Variants in TM4SF20 observed in about 807,000 individuals in gnomAD.
TM4SF20 encodes the protein transmembrane 4 L6 family member 20.
In TM4SF20, 13 loss-of-function variants were observed where a neutral mutation model predicts 15.1. The observed-to-expected ratio is 0.86, with a 90% CI of 0.56 to 1.36. The LOEUF (loss-of-function observed/expected upper bound fraction) is 1.36. Among genes scored for constraint, TM4SF20 ranks in the 40% most tolerant of loss-of-function variants. TM4SF20 has a pLI of 0.00. For missense variants in TM4SF20, 282 were observed against 268.4 expected (o/e 1.05, Z -0.35); for synonymous variants, 92 against 96.6 (o/e 0.95, Z 0.28).
intron 1 of TM4SF20, among the ~76,000 whole-genome samples, chr2:227,375,604 C>T (rs1438085242): frequency 6.6e-6 from 1 of 152,102 alleles, no homozygotes; most frequent in Non-Finnish European, 1.5e-5. Flanking sequence ...ATTCCCTTGC[C>T]GCAGCCTCCT....
chr2:227,379,118 A>G lies in TM4SF20; in HGVS notation c.151T>C (p.Trp51Arg). 6.2e-7 allele frequency: 1 copy of G among 1,614,208 alleles called. No homozygotes were observed. Among genetic ancestry groups the G allele is most frequent in the South Asian group, 1.1e-5 (1 of 91,086 alleles). ...SQNPISCFEW[W>R]FPGIIGAGLM... The stretch of plus-strand genomic sequence containing the variant: ...CCTGCTCCTATAATTCCTGGGAACC[A>G]CCACTCAAAGCAAGAGATGGGGTTT... Residue 51 changes from tryptophan (W) to arginine (R), a missense_variant, in exon 1 of 4, where the codon TGG (tryptophan) becomes CGG (arginine). Transcript: ENST00000304568.
rs1267319621 is a variant in TM4SF20, at chr2:227,378,200, T to C, written c.183+886A>G. ...GGATGCTGAATTATCAACTTCAACA[T>C]CCACATCCCCATTTTACACATATGG... On this transcript the variant is annotated intron_variant, in intron 1 of 3. Coordinates refer to ENST00000304568, the MANE Select transcript of TM4SF20 (RefSeq NM_024795.4). Among the ~76,000 whole-genome samples, 3 of 152,082 alleles carry C rather than the reference T, an allele frequency of 2.0e-5. No homozygotes were observed. In the East Asian group the frequency reaches 5.8e-4, roughly 29 times the overall value.
rs769987924 is a variant in TM4SF20 at position 227,363,753 on chromosome 2, C to T, written c.661G>A (p.Val221Ile). ...VIGFLGCLCG[V>I]SKRRSQIV ...ACAATTTGACTTCTTCGCTTAGAGA[C>T]TCCACACAGACAGCCAAGGAAACCG... The change falls in exon 4 of 4, where the codon GTC becomes ATC. Residue 221 changes from valine to isoleucine, a missense_variant. Coordinates refer to ENST00000304568, the MANE Select transcript of TM4SF20 (RefSeq NM_024795.4). 60 of 1,613,956 alleles carry T rather than the reference C, an allele frequency of 3.7e-5. No individual in the cohort carries two copies. The highest frequency in any genetic ancestry group is 4.9e-5 in the Non-Finnish European group (58 of 1,180,006).
chr2:227,379,145 GA>G lies in TM4SF20; in HGVS notation c.123del (p.Gln42LysfsTer15). The G allele has an allele frequency of 6.2e-7, 1 of 1,614,162 alleles. No individual in the cohort carries two copies. Among genetic ancestry groups the G allele is most frequent in the Non-Finnish European group, 8.5e-7 (1 of 1,180,022 alleles). On this transcript the variant is annotated frameshift_variant, in exon 1 of 4. Coordinates refer to ENST00000304568, the MANE Select transcript of TM4SF20 (RefSeq NM_024795.4). LOFTEE classifies it high-confidence loss of function. ...CACTCAAAGCAAGAGATGGGGTTTTGAGAAAATTGGTCTTCCTCAACTAAGC... is the reference window on the plus strand; with the variant it reads ...CACTCAAAGCAAGAGATGGGGTTTTGGAAAATTGGTCTTCCTCAACTAAGC... ...IVSLVEEDQFSQNPISCFEWW... is the reference protein window; with the variant it reads ...IVSLVEEDQFXQNPISCFEWW...
Position 227,363,804 on chromosome 2 carries a change from G to A in TM4SF20, c.610C>T (p.Leu204=), listed in dbSNP as rs776852413. The change falls in exon 4 of 4, where the codon CTG becomes TTG. Residue 204 remains leucine, a synonymous_variant. Transcript: ENST00000304568. ...GLLLVGILEV[L]FGLSQIVIGF... is the part of the protein sequence containing the mutation. ...ATGACTATCTGACTGAGCCCAAACA[G>A]GACCTCCAGAATTCCAACAAGCAAT... 6.2e-7 allele frequency: 1 copy of A among 1,614,142 alleles called. No individual in the cohort carries two copies. The highest frequency in any genetic ancestry group is 2.2e-5 in the East Asian group (1 of 44,882).
chr2:227,369,005 G>C (rs925950326), intron 2 of TM4SF20, among the ~76,000 whole-genome samples: 1 of 152,144 alleles, frequency 6.6e-6, no homozygotes, highest in African/African-American at 2.4e-5. Context: ...TGATATTTTT[G>C]ATTTCAGGAA....
At position 227,379,114 on chromosome 2, in the gene TM4SF20, A is replaced by T. The variant is rs200276480; in HGVS notation, c.155T>A (p.Phe52Tyr). 2.5e-6 allele frequency: 4 copies of T among 1,614,234 alleles called. No homozygotes were observed. Among genetic ancestry groups the T allele is most frequent in the Non-Finnish European group, 2.5e-6 (3 of 1,180,042 alleles). ...QNPISCFEWW[F>Y]PGIIGAGLMA... ...CAGACCTGCTCCTATAATTCCTGGG[A>T]ACCACCACTCAAAGCAAGAGATGGG... The change falls in exon 1 of 4, where the codon TTC becomes TAC. Residue 52 changes from phenylalanine (F) to tyrosine (Y), a missense_variant. Coordinates refer to ENST00000304568, the MANE Select transcript of TM4SF20 (RefSeq NM_024795.4).
At chr2:227,380,798 A>G (rs546928771), upstream of TM4SF20, among the ~76,000 whole-genome samples, 1 of 152,186 alleles carries the variant, frequency 6.6e-6, no homozygotes, top group African/African-American at 2.4e-5. Context: ...GCTCAGGCGT[A>G]GTAGGCTTAG....
intron 1 of TM4SF20, among the ~76,000 whole-genome samples, chr2:227,378,010 T>C (rs1327824533): frequency 6.6e-6 from 1 of 151,958 alleles, no homozygotes; most frequent in Non-Finnish European, 1.5e-5. Context: ...AAAAGTCACC[T>C]CCGTGTTTTA....
intron 1 of TM4SF20, among the ~76,000 whole-genome samples, chr2:227,373,963 G>A (rs1408732764): frequency 1.3e-5 from 2 of 150,070 alleles, no homozygotes; most frequent in African/African-American, 4.9e-5. Context: ...GAAGAGGCTG[G>A]TTTATAAACC....
At chr2:227,380,864 G>A (rs2076476612), upstream of TM4SF20, among the ~76,000 whole-genome samples, 1 of 152,166 alleles carries the variant, frequency 6.6e-6, no homozygotes, top group Non-Finnish European at 1.5e-5. Context: ...TGGTACAAGG[G>A]GCATCCCTGG....
At chr2:227,372,435 G>A (rs1252481728) in intron 1 of TM4SF20, among the ~76,000 whole-genome samples, 1 of 152,080 alleles carries the variant, frequency 6.6e-6, no homozygotes, top group Non-Finnish European at 1.5e-5. Context: ...CACGAGGTCA[G>A]GAGATCGAGA....
Position 227,372,083 on chromosome 2 carries a change from G to A in TM4SF20, c.184-1103C>T, listed in dbSNP as rs186128892. ...TCCTTCCGCTTGAGAAATTTTAGGC[G>A]TAGGTTTTTTTGCCATCTCAGCACA... is the stretch of plus-strand genomic sequence containing the variant. On this transcript the variant is annotated intron_variant, in intron 1 of 3. Transcript: ENST00000304568. Among the ~76,000 whole-genome samples the A allele has an allele frequency of 8.5e-5, 13 of 152,256 alleles. No homozygotes were observed. The South Asian group carries it at 1.2e-3, about 15-fold the overall frequency.
At chr2:227,377,741 G>C (rs10168278) in intron 1 of TM4SF20, among the ~76,000 whole-genome samples, 17,899 of 152,030 alleles carry the variant, frequency 0.12, 1,217 homozygotes, top group Middle Eastern at 0.21. Context: ...AAAACCGCAT[G>C]TTCTCACTTG....
rs1486164925 is a variant in TM4SF20 at position 227,363,814 on chromosome 2, A to G, written c.600T>C (p.Ile200=). 2 of 1,614,078 alleles carry G rather than the reference A, an allele frequency of 1.2e-6. No individual in the cohort carries two copies. The highest frequency in any genetic ancestry group is 1.7e-6 in the Non-Finnish European group (2 of 1,180,020). ...SVFLGLLLVG[I]LEVLFGLSQI... The stretch of plus-strand genomic sequence containing the variant: ...GACTGAGCCCAAACAGGACCTCCAG[A>G]ATTCCAACAAGCAATAGACCTAAAA... Residue 200 remains isoleucine, a synonymous_variant, in exon 4 of 4, where the codon ATT becomes ATC. Transcript: ENST00000304568.
At chr2:227,378,951 A>T in intron 1 of TM4SF20, 135 bp downstream of exon 1, 1 of 783,260 alleles carries the variant, frequency 1.3e-6, no homozygotes, top group Non-Finnish European at 2.0e-6. Context: ...ACCAATATAA[A>T]TTAATGCCAT....
chr2:227,379,245 T>C lies in TM4SF20; in HGVS notation c.24A>G (p.Thr8=). Residue 8 remains threonine, a synonymous_variant, in exon 1 of 4, where the codon ACA becomes ACG. Coordinates refer to ENST00000304568, the MANE Select transcript of TM4SF20 (RefSeq NM_024795.4). ...CCAGCAGGCTGAATCCATTGCAGGA[T>C]GTCCATCCTTCGCAGCAGGTCATGG... MTCCEGW[T]SCNGFSLLVL... is the part of the protein sequence containing the mutation. 1 of 1,614,150 alleles carries C rather than the reference T, an allele frequency of 6.2e-7. No individual in the cohort carries two copies. Among genetic ancestry groups the C allele is most frequent in the Non-Finnish European group, 8.5e-7 (1 of 1,180,002 alleles).
At chr2:227,365,970 A>C in intron 3 of TM4SF20, 123 bp downstream of exon 3, 5 of 980,332 alleles carry the variant, frequency 5.1e-6, no homozygotes, top group Non-Finnish European at 7.3e-6. Flanking sequence ...AAAATTCCTA[A>C]GAATCCGTTT....
In TM4SF20 at chr2:227,379,225, A is replaced by C; in HGVS notation, c.44T>G (p.Leu15Arg). The change falls in exon 1 of 4, where the codon CTG (leucine) becomes CGG (arginine). Residue 15 changes from leucine to arginine, a missense_variant. Coordinates refer to ENST00000304568, the MANE Select transcript of TM4SF20 (RefSeq NM_024795.4). ...TACTCCTAACAGCAGTAGAACCAGC[A>C]GGCTGAATCCATTGCAGGATGTCCA... Reference protein sequence around the residue: ...EGWTSCNGFSLLVLLLLGVVL... With the variant: ...EGWTSCNGFSRLVLLLLGVVL... 2 of 1,614,260 alleles carry C rather than the reference A, an allele frequency of 1.2e-6. No homozygotes were observed. Among genetic ancestry groups the C allele is most frequent in the Non-Finnish European group, 8.5e-7 (1 of 1,180,044 alleles).
Sources: allele counts gnomAD v4.1 joint callset (sites outside exome capture counted in the v4.1 genomes callset), GRCh38; gene constraint gnomAD v4.1.1; transcripts MANE v1.5; gene names NCBI Gene and HGNC (gene_info 2026-07-23, HGNC 2026-07-21).